The following ADAMTS12 variants were observed in gnomAD, a reference collection of about 807,000 sequenced individuals.
ADAMTS12 encodes A disintegrin and metalloproteinase with thrombospondin motifs 12.
In ADAMTS12, 118 loss-of-function variants were observed where a neutral mutation model predicts 167.8. The observed-to-expected ratio is 0.70, with a 90% CI of 0.61 to 0.82. ADAMTS12 has a LOEUF of 0.82. Ranked by LOEUF, ADAMTS12 falls within the 40% of genes least tolerant of loss-of-function variation. The pLI is 0.00. For synonymous variants in ADAMTS12, 704 were observed against 716.9 expected (o/e 0.98, Z 0.29); for missense variants, 1,916 against 1,998.8 (o/e 0.96, Z 0.79).
intron 2 of ADAMTS12, among the ~76,000 whole-genome samples, chr5:33,790,546 A>C: frequency 7.3e-6 from 1 of 137,152 alleles, no homozygotes; most frequent in African/African-American, 2.8e-5. Flanking sequence ...ACAGAGCAAG[A>C]CTCCATCTCA....
intron 2 of ADAMTS12, among the ~76,000 whole-genome samples, chr5:33,864,412 T>C (rs886585484): frequency 1.3e-5 from 2 of 152,186 alleles, no homozygotes; most frequent in African/African-American, 4.8e-5. Flanking sequence ...AGTTCAACCA[T>C]TGTGGAAGAC....
intron 3 of ADAMTS12, among the ~76,000 whole-genome samples, chr5:33,712,052 C>T (rs1743421287): frequency 6.6e-6 from 1 of 152,104 alleles, no homozygotes; most frequent in African/African-American, 2.4e-5. Flanking sequence ...GTATAACTTA[C>T]TTGGCTTTGT....
intron 5 of ADAMTS12, among the ~76,000 whole-genome samples, chr5:33,676,711 G>C (rs5021089): frequency 0.43 from 51,134 of 117,980 alleles, 10,235 homozygotes; most frequent in Non-Finnish European, 0.5. Flanking sequence ...CACACACAGA[G>C]AGAGAGAGAG....
intron 2 of ADAMTS12, among the ~76,000 whole-genome samples, chr5:33,841,191 G>A (rs1332637835): frequency 6.6e-6 from 1 of 152,176 alleles, no homozygotes; most frequent in Non-Finnish European, 1.5e-5. Context: ...TACTGCTAGG[G>A]TTTGGTGACT....
intron 16 of ADAMTS12, among the ~76,000 whole-genome samples, chr5:33,608,913 G>A (rs1489905004): frequency 1.3e-5 from 2 of 152,114 alleles, no homozygotes; most frequent in African/African-American, 2.4e-5. Flanking sequence ...TAGGATGCGC[G>A]CATATTTAAC....
chr5:33,891,614 C>T (rs1750856092), intron 1 of ADAMTS12, 116 bp downstream of exon 1: 4 of 1,495,012 alleles, frequency 2.7e-6, no homozygotes, highest in Non-Finnish European at 2.7e-6. Context: ...TACAACGCAG[C>T]CAAATGGCTT....
intron 2 of ADAMTS12, among the ~76,000 whole-genome samples, chr5:33,860,220 T>C (rs1313670338): frequency 6.6e-6 from 1 of 152,010 alleles, no homozygotes; most frequent in Non-Finnish European, 1.5e-5. Flanking sequence ...TCCTCTGAGC[T>C]AAAGGAGCAT....
chr5:33,572,074 A>C (rs1273647665), intron 19 of ADAMTS12, among the ~76,000 whole-genome samples: 1 of 152,208 alleles, frequency 6.6e-6, no homozygotes, highest in Non-Finnish European at 1.5e-5. Context: ...TGAATAGACC[A>C]ATAACAGGAG....
At chr5:33,600,079 C>A (rs1469987295) in intron 16 of ADAMTS12, among the ~76,000 whole-genome samples, 3 of 152,140 alleles carry the variant, frequency 2.0e-5, no homozygotes, top group Admixed American at 2.0e-4. Context: ...CAATATGTTG[C>A]CACAGCACTA....
At chr5:33,542,434 G>T (rs574497956) in intron 22 of ADAMTS12, among the ~76,000 whole-genome samples, 15 of 152,196 alleles carry the variant, frequency 9.9e-5, no homozygotes, top group Non-Finnish European at 2.1e-4. Context: ...ACACCCCACT[G>T]TCAATATTAG....
In ADAMTS12 at chr5:33,610,151, A is replaced by C. The variant is rs1035405720; in HGVS notation, c.2527+4087T>G. 1.1e-4 allele frequency among the ~76,000 whole-genome samples: 17 copies of C among 152,364 alleles called. No individual in the cohort carries two copies. In the South Asian group the frequency reaches 1.7e-3, roughly 15 times the overall value. ...AGCCGAGATTGAGCCATTGTGCTCC[A>C]GCCTGTTCAACAAGAATGAAACTCT... On this transcript the variant is annotated intron_variant, in intron 16 of 23. Coordinates refer to ENST00000504830, the MANE Select transcript of ADAMTS12 (RefSeq NM_030955.4).
intron 2 of ADAMTS12, among the ~76,000 whole-genome samples, chr5:33,781,265 A>ATATATATG (rs1746116172): frequency 6.6e-6 from 1 of 152,142 alleles, no homozygotes; most frequent in African/African-American, 2.4e-5. Flanking sequence ...GTGTGTATAT[A>ATATATATG]TATATATGTA....
intron 11 of ADAMTS12, among the ~76,000 whole-genome samples, chr5:33,641,047 T>C (rs183706410): frequency 2.6e-5 from 4 of 151,972 alleles, no homozygotes; most frequent in Admixed American, 2.0e-4. Flanking sequence ...AAAGAAACAA[T>C]ATAATTTCCA....
chr5:33,671,346 A>G (rs1579820810), intron 5 of ADAMTS12, among the ~76,000 whole-genome samples: 1 of 152,186 alleles, frequency 6.6e-6, no homozygotes, highest in Admixed American at 6.5e-5. Flanking sequence ...ATCTGAGGGT[A>G]GGTGGAATTG....
At chr5:33,629,621 C>T (rs60050221) in intron 13 of ADAMTS12, among the ~76,000 whole-genome samples, 52,430 of 152,028 alleles carry the variant, frequency 0.34, 10,172 homozygotes, top group African/African-American at 0.53. Flanking sequence ...CAAAGGCTAT[C>T]ACAACCTTAC....
intron 19 of ADAMTS12, among the ~76,000 whole-genome samples, chr5:33,568,839 G>A (rs548155972): frequency 3.3e-5 from 5 of 152,320 alleles, no homozygotes; most frequent in African/African-American, 1.2e-4. Context: ...CCCTTTCCTG[G>A]TCAAGGAAAG....
intron 2 of ADAMTS12, among the ~76,000 whole-genome samples, chr5:33,830,569 G>A (rs537594509): frequency 1.3e-4 from 20 of 152,202 alleles, no homozygotes; most frequent in East Asian, 3.9e-4. Context: ...CTGGAGGATC[G>A]CTTGAGCTCA....
intron 2 of ADAMTS12, among the ~76,000 whole-genome samples, chr5:33,852,739 C>T (rs948173771): frequency 6.6e-6 from 1 of 152,068 alleles, no homozygotes; most frequent in African/African-American, 2.4e-5. Context: ...TAAGCAAATC[C>T]AGCAACATAC....
At chr5:33,715,836 G>A (rs182235006) in intron 3 of ADAMTS12, among the ~76,000 whole-genome samples, 39 of 152,244 alleles carry the variant, frequency 2.6e-4, no homozygotes, top group Admixed American at 3.3e-4. Context: ...AGATGACTGT[G>A]TAACCTTTGT....
Sources: allele counts gnomAD v4.1 joint callset (sites outside exome capture counted in the v4.1 genomes callset), GRCh38; gene constraint gnomAD v4.1.1; transcripts MANE v1.5; gene names NCBI Gene and HGNC (gene_info 2026-07-23, HGNC 2026-07-21).